MYRIP: variants seen among roughly 807,000 people sequenced by gnomAD.
MYRIP encodes the protein myosin VIIA and Rab interacting protein.
Under a neutral mutation model 98.0 loss-of-function variants are expected in MYRIP, and 49 were observed. The observed-to-expected ratio is 0.50, with a 90% CI of 0.40 to 0.63. MYRIP has a LOEUF of 0.63. MYRIP is among the 30% of genes least tolerant of loss of function. The probability of loss-of-function intolerance (pLI) is 0.00; values close to 1 mark genes in which losing one functional copy is unlikely to be tolerated. For synonymous variants in MYRIP, 404 were observed against 409.5 expected, an observed-to-expected ratio of 0.99 and a Z score of 0.16; for missense variants, 1,004 against 1,058.2, an observed-to-expected ratio of 0.95 and a Z score of 0.71.
chr3:40,147,044 C>T (rs2125568681), intron 3 of MYRIP, among the ~76,000 whole-genome samples: 1 of 152,256 alleles, frequency 6.6e-6, no homozygotes, highest in South Asian at 2.1e-4. Context: ...TCCCAGTCCC[C>T]CAGGGAATCA....
chr3:39,915,661 T>C (rs1944136001), intron 2 of MYRIP, among the ~76,000 whole-genome samples: 1 of 151,732 alleles, frequency 6.6e-6, no homozygotes, highest in African/African-American at 2.4e-5. Flanking sequence ...CACTGCAAAA[T>C]TAGAAGACAT....
chr3:40,127,506 G>C (rs944184262), intron 3 of MYRIP, among the ~76,000 whole-genome samples: 7 of 152,222 alleles, frequency 4.6e-5, no homozygotes, highest in African/African-American at 1.7e-4. Flanking sequence ...TACAGAGTTA[G>C]ATTCCTACAT....
chr3:39,858,392 A>T (rs1247464283), intron 1 of MYRIP, among the ~76,000 whole-genome samples: 1 of 152,180 alleles, frequency 6.6e-6, no homozygotes, highest in African/African-American at 2.4e-5. Context: ...CTATATAAAG[A>T]AAATAGTAAC....
chr3:40,135,513 A>G (rs1485372248), intron 3 of MYRIP, among the ~76,000 whole-genome samples: 3 of 152,190 alleles, frequency 2.0e-5, no homozygotes, highest in South Asian at 4.1e-4. Context: ...CCAACATTCA[A>G]ATTCAGGAAA....
intron 1 of MYRIP, among the ~76,000 whole-genome samples, chr3:39,854,527 A>AT (rs962925210): frequency 2.6e-5 from 4 of 151,888 alleles, no homozygotes; most frequent in African/African-American, 9.7e-5. Context: ...TCCCTGGAGC[A>AT]TTTTTCATCC....
chr3:40,218,627 TATA>T lies in MYRIP; in HGVS notation c.1905+8535_1905+8537del, dbSNP rs1559460548. 9.5e-3 allele frequency among the ~76,000 whole-genome samples: 161 copies of T among 16,926 alleles called. 5 individuals are homozygous for T. Among genetic ancestry groups the T allele is most frequent in the East Asian group, 0.021 (3 of 140 alleles). The allele number at this position is 16,926 out of a possible 152,430, so 11.1% of individuals were successfully genotyped here. A position where few individuals can be genotyped will look rare whatever the true frequency, so the allele number is the denominator to read the frequency against. ...TATATATATTTTATATATATATATA[TATA>T]TATATATATATATATATATATATAT... On this transcript the variant is annotated intron_variant, in intron 11 of 16. Transcript: ENST00000302541.
At chr3:39,974,850 C>CGG (rs1945703324) in intron 2 of MYRIP, among the ~76,000 whole-genome samples, 1 of 148,840 alleles carries the variant, frequency 6.7e-6, no homozygotes. Context: ...AATTCAACAA[C>CGG]CCTTCATGCT....
intron 3 of MYRIP, among the ~76,000 whole-genome samples, chr3:40,117,546 T>TGGCATCATTTCTTCCCTC (rs1399036024): frequency 6.6e-6 from 1 of 152,208 alleles, no homozygotes; most frequent in Non-Finnish European, 1.5e-5. Flanking sequence ...TCACTTACCT[T>TGGCATCATTTCTTCCCTC]GGCATCATTT....
chr3:40,139,250 C>T (rs1219713062), intron 3 of MYRIP, among the ~76,000 whole-genome samples: 1 of 151,980 alleles, frequency 6.6e-6, no homozygotes, highest in African/African-American at 2.4e-5. Flanking sequence ...GGGGCTAAAC[C>T]TTATTAAGGT....
chr3:40,199,211 T>C (rs964712865), intron 10 of MYRIP, among the ~76,000 whole-genome samples: 2 of 152,200 alleles, frequency 1.3e-5, no homozygotes, highest in Non-Finnish European at 2.9e-5. Context: ...GTGGAGAGGA[T>C]GGAGACCACA....
At chr3:40,115,643 C>G (rs555765510) in intron 3 of MYRIP, among the ~76,000 whole-genome samples, 1 of 152,266 alleles carries the variant, frequency 6.6e-6, no homozygotes, top group African/African-American at 2.4e-5. Context: ...GAGTTAGAAT[C>G]TAAGAACTGA....
chr3:40,232,452 C>A (rs112591951), intron 11 of MYRIP, among the ~76,000 whole-genome samples: 1,764 of 152,228 alleles, frequency 0.012, 14 homozygotes, highest in Non-Finnish European at 0.018. Context: ...AGAATTCACT[C>A]GGAGGAACAC....
intron 1 of MYRIP, among the ~76,000 whole-genome samples, chr3:39,817,943 T>C (rs1940974702): frequency 6.6e-6 from 1 of 152,206 alleles, no homozygotes; most frequent in Admixed American, 6.5e-5. Context: ...TATCCTTGAA[T>C]AATATGGACC....
At position 40,258,469 on chromosome 3, in the gene MYRIP, C is replaced by T; in HGVS notation, c.*303C>T. 2 of 375,922 alleles carry T rather than the reference C, an allele frequency of 5.3e-6. No individual in the cohort carries two copies. Among genetic ancestry groups the T allele is most frequent in the South Asian group, 7.1e-5 (1 of 14,170 alleles). 23.3% of individuals were successfully genotyped at this position (375,922 alleles called of 1,614,324 possible). A position where few individuals can be genotyped will look rare whatever the true frequency, so the allele number is the denominator to read the frequency against. On this transcript the variant is annotated 3_prime_UTR_variant, in exon 17 of 17. Coordinates refer to ENST00000302541, the MANE Select transcript of MYRIP (RefSeq NM_015460.4). ...ATACATATTTTCCCTGTTTGCTTTGCTACTGTATGTTGACTTTAAGATCTT... is the reference window on the plus strand; with the variant it reads ...ATACATATTTTCCCTGTTTGCTTTGTTACTGTATGTTGACTTTAAGATCTT...
intron 2 of MYRIP, among the ~76,000 whole-genome samples, chr3:39,975,617 C>T (rs1388163675): frequency 1.3e-5 from 2 of 152,080 alleles, no homozygotes; most frequent in African/African-American, 4.8e-5. Context: ...AAGAACAAAG[C>T]TGGAGGCATC....
intron 10 of MYRIP, among the ~76,000 whole-genome samples, chr3:40,195,980 C>T (rs1951376599): frequency 6.6e-6 from 1 of 152,026 alleles, no homozygotes; most frequent in South Asian, 2.1e-4. Context: ...AGGCAATCAT[C>T]TATTTAATCT....
chr3:39,974,792 T>C (rs1036208732), intron 2 of MYRIP, among the ~76,000 whole-genome samples: 2 of 152,050 alleles, frequency 1.3e-5, no homozygotes, highest in African/African-American at 4.8e-5. Flanking sequence ...GAACCAATGA[T>C]AAAAACCATA....
intron 3 of MYRIP, among the ~76,000 whole-genome samples, chr3:40,072,988 G>A (rs747903727): frequency 6.6e-6 from 1 of 152,066 alleles, no homozygotes; most frequent in Admixed American, 6.6e-5. Flanking sequence ...TTTGAAAAAG[G>A]TATATTAAAA....
chr3:39,890,327 C>T (rs1245808732), intron 1 of MYRIP, among the ~76,000 whole-genome samples: 1 of 152,050 alleles, frequency 6.6e-6, no homozygotes, highest in Non-Finnish European at 1.5e-5. Flanking sequence ...ACAACTTCCC[C>T]AAATCCTACC....
Sources: gnomAD v4.1 joint callset for allele counts (sites outside exome capture counted in the v4.1 genomes callset) on GRCh38, gnomAD v4.1.1 for gene constraint, MANE v1.5 for transcripts, NCBI Gene and HGNC (gene_info 2026-07-23, HGNC 2026-07-21) for gene names.